Variants in CDH2 observed in about 807,000 individuals in gnomAD.
The protein encoded by CDH2 is cadherin 2.
CDH2 carries 17 observed loss-of-function variants against 92.0 expected under a neutral mutation model. The observed-to-expected ratio is 0.18, with a 90% CI of 0.13 to 0.28. The LOEUF is 0.28. CDH2 is among the 10% of genes least tolerant of loss of function. The pLI, the probability that CDH2 is intolerant of heterozygous loss-of-function variation, is 1.00. For missense variants in CDH2, 862 were observed against 1,133.1 expected (o/e 0.76, Z 3.44); for synonymous variants, 419 against 415.9 (o/e 1.01, Z -0.09).
intron 9 of CDH2, among the ~76,000 whole-genome samples, chr18:27,991,383 T>C (rs1231956300): frequency 6.6e-6 from 1 of 152,204 alleles, no homozygotes; most frequent in African/African-American, 2.4e-5. Flanking sequence ...ACATCTTTTT[T>C]TCTCTCTAAA....
rs543681392 is a variant in CDH2, at chr18:28,130,640, T to C, written c.172+17033A>G. On this transcript the variant is annotated intron_variant, in intron 2 of 15. Coordinates refer to ENST00000269141, the MANE Select transcript of CDH2 (RefSeq NM_001792.5). ...AATGGAGCGCATCCAGATGTGCGCA[T>C]GGCTGCTGAGCAGGCCTCTTCCAGG... is the stretch of plus-strand genomic sequence containing the variant. 1.1e-3 allele frequency among the ~76,000 whole-genome samples: 161 copies of C among 152,316 alleles called. 1 individual carries two copies. The highest frequency in any genetic ancestry group is 3.7e-3 in the African/African-American group (154 of 41,570).
chr18:28,140,750 T>C (rs2015938666), intron 2 of CDH2, among the ~76,000 whole-genome samples: 2 of 151,204 alleles, frequency 1.3e-5, no homozygotes, highest in South Asian at 2.1e-4. Flanking sequence ...ACCTGTGAAA[T>C]GGGAGAAAAT....
intron 2 of CDH2, among the ~76,000 whole-genome samples, chr18:28,035,807 C>CCTTGTA (rs2013811682): frequency 1.3e-5 from 2 of 152,146 alleles, no homozygotes; most frequent in Non-Finnish European, 2.9e-5. Context: ...ATGTATGTCT[C>CCTTGTA]ATTACAAGGC....
chr18:27,992,270 T>G (rs1467686689), intron 9 of CDH2, among the ~76,000 whole-genome samples: 5 of 152,174 alleles, frequency 3.3e-5, no homozygotes, highest in Non-Finnish European at 7.3e-5. Flanking sequence ...ATGTGATATA[T>G]CATGAATATA....
chr18:28,095,570 C>A (rs899561119), intron 2 of CDH2, among the ~76,000 whole-genome samples: 2 of 152,032 alleles, frequency 1.3e-5, no homozygotes, highest in African/African-American at 4.8e-5. Flanking sequence ...GTAATCCCAG[C>A]ACTTTGGGAG....
chr18:27,994,726 T>C (rs1232656105), intron 7 of CDH2, among the ~76,000 whole-genome samples: 2 of 152,112 alleles, frequency 1.3e-5, no homozygotes, highest in Non-Finnish European at 2.9e-5. Context: ...AAGGGATTTC[T>C]GGAGCTTAGA....
chr18:28,020,375 C>T (rs1224607810), intron 2 of CDH2, among the ~76,000 whole-genome samples: 1 of 151,780 alleles, frequency 6.6e-6, no homozygotes, highest in African/African-American at 2.4e-5. Context: ...AAAAATAGTA[C>T]ATAGAAACGA....
chr18:28,061,155 A>G (rs2014394824), intron 2 of CDH2, among the ~76,000 whole-genome samples: 1 of 152,188 alleles, frequency 6.6e-6, no homozygotes, highest in South Asian at 2.1e-4. Context: ...GGCCATGTAT[A>G]CCAGCAACAT....
At chr18:28,153,536 G>C (rs542885752) in intron 1 of CDH2, among the ~76,000 whole-genome samples, 2 of 152,288 alleles carry the variant, frequency 1.3e-5, no homozygotes, top group South Asian at 4.1e-4. Context: ...TCTGCCCAGG[G>C]GCAACACCCC....
chr18:27,954,381 C>T (rs1212058943), intron 15 of CDH2: 4 of 152,190 alleles, frequency 2.6e-5, no homozygotes, highest in African/African-American at 7.2e-5. Flanking sequence ...GTTTACTTTC[C>T]CAACCACACT....
At chr18:28,129,357 A>G (rs958552788) in intron 2 of CDH2, among the ~76,000 whole-genome samples, 1 of 152,322 alleles carries the variant, frequency 6.6e-6, no homozygotes, top group Non-Finnish European at 1.5e-5. Flanking sequence ...AAGCCATCAC[A>G]CTTTAATTGT....
chr18:27,991,029 C>A (rs1370516776), intron 9 of CDH2, among the ~76,000 whole-genome samples: 1 of 152,160 alleles, frequency 6.6e-6, no homozygotes, highest in South Asian at 2.1e-4. Flanking sequence ...GTAAAACCCC[C>A]AAATTTAAGA....
intron 15 of CDH2, among the ~76,000 whole-genome samples, chr18:27,962,879 T>TTTAA (rs141395720): frequency 0.015 from 2,209 of 152,276 alleles, 56 homozygotes; most frequent in African/African-American, 0.051. Flanking sequence ...TTACATAATA[T>TTTAA]TTAATTTAGC....
intron 1 of CDH2, among the ~76,000 whole-genome samples, chr18:28,150,289 G>A (rs137951210): frequency 9.1e-4 from 139 of 152,306 alleles, no homozygotes; most frequent in African/African-American, 2.9e-3. Context: ...CGGGGGTCAC[G>A]TTTCAAATGG....
chr18:28,047,634 C>G (rs551028686), intron 2 of CDH2, among the ~76,000 whole-genome samples: 2 of 151,750 alleles, frequency 1.3e-5, no homozygotes, highest in South Asian at 4.2e-4. Flanking sequence ...TTTGGGAGGC[C>G]GAGGTGGGTG....
intron 2 of CDH2, among the ~76,000 whole-genome samples, chr18:28,112,310 C>T (rs2015426527): frequency 6.6e-6 from 1 of 152,176 alleles, no homozygotes; most frequent in Admixed American, 6.5e-5. Flanking sequence ...TTCTGACTTG[C>T]TGTTTTCACT....
chr18:28,143,634 G>A (rs893251806), intron 2 of CDH2, among the ~76,000 whole-genome samples: 2 of 151,380 alleles, frequency 1.3e-5, no homozygotes, highest in African/African-American at 4.9e-5. Context: ...AAAATAAAGT[G>A]GCCACAAGAC....
At chr18:28,043,485 T>TATATAA (rs2013999202) in intron 2 of CDH2, among the ~76,000 whole-genome samples, 1 of 76,690 alleles carries the variant, frequency 1.3e-5, no homozygotes, top group South Asian at 5.7e-4. Flanking sequence ...TATATATATA[T>TATATAA]ATATATATAA....
intron 2 of CDH2, among the ~76,000 whole-genome samples, chr18:28,069,826 G>A (rs2014581568): frequency 6.6e-6 from 1 of 152,046 alleles, no homozygotes; most frequent in African/African-American, 2.4e-5. Flanking sequence ...GAGGCATCTT[G>A]GGAACTGGTT....
Sources: gnomAD v4.1 joint callset for allele counts (sites outside exome capture counted in the v4.1 genomes callset) on GRCh38, gnomAD v4.1.1 for gene constraint, MANE v1.5 for transcripts, NCBI Gene and HGNC (gene_info 2026-07-23, HGNC 2026-07-21) for gene names.